Variants in DOCK4 observed in about 807,000 individuals in gnomAD.
The protein encoded by DOCK4 is dedicator of cytokinesis 4.
In DOCK4, 97 loss-of-function variants were observed where a neutral mutation model predicts 268.1. The observed-to-expected ratio is 0.36, with a 90% CI of 0.31 to 0.43. The LOEUF is 0.43. Ranked by LOEUF, DOCK4 falls within the 20% of genes least tolerant of loss-of-function variation. The pLI is 1.00. For synonymous variants in DOCK4, 954 were observed against 887.2 expected (o/e 1.08, Z -1.34); for missense variants, 2,145 against 2,455.7 (o/e 0.87, Z 2.67).
chr7:112,097,032 G>C (rs1810205086), intron 1 of DOCK4, among the ~76,000 whole-genome samples: 1 of 152,128 alleles, frequency 6.6e-6, no homozygotes, highest in African/African-American at 2.4e-5. Flanking sequence ...GCTTGAAAAT[G>C]GAACACAGGA....
rs368340275 is a variant in DOCK4, at chr7:112,174,977, G to A, written c.37+31125C>T. Among the ~76,000 whole-genome samples, 83 of 123,978 alleles carry A rather than the reference G, an allele frequency of 6.7e-4. 1 individual carries two copies. In the East Asian group the frequency reaches 0.02, roughly 30 times the overall value. The allele number at this position is 123,978 out of a possible 152,430, so 81.3% of individuals were successfully genotyped here. A position where few individuals can be genotyped will look rare whatever the true frequency, so the allele number is the denominator to read the frequency against. ...TTTTTTTGAGACAGAGTCTCACTCT[G>A]TTGCCCAGGCTGGAGTGCAGTGGCG... is the stretch of plus-strand genomic sequence containing the variant. On this transcript the variant is annotated intron_variant, in intron 1 of 52. Transcript: ENST00000428084.
At chr7:112,117,981 A>G (rs1005274122) in intron 1 of DOCK4, among the ~76,000 whole-genome samples, 10 of 150,148 alleles carry the variant, frequency 6.7e-5, no homozygotes, top group Non-Finnish European at 5.9e-5. Context: ...TCACCATAAG[A>G]AAGAATGGCC....
intron 1 of DOCK4, among the ~76,000 whole-genome samples, chr7:112,199,424 G>A (rs931118586): frequency 3.9e-5 from 6 of 152,086 alleles, no homozygotes; most frequent in South Asian, 2.1e-4. Flanking sequence ...CTGCAGTTAC[G>A]TTACCAAAGG....
intron 47 of DOCK4, 36 bp downstream of exon 47, chr7:111,741,058 G>T: frequency 6.2e-7 from 1 of 1,611,088 alleles, no homozygotes; most frequent in Non-Finnish European, 8.5e-7. Context: ...GACAGAAAAG[G>T]AATAAACACA....
At chr7:111,822,104 G>A (rs1802028428) in intron 27 of DOCK4, among the ~76,000 whole-genome samples, 1 of 152,086 alleles carries the variant, frequency 6.6e-6, no homozygotes. Context: ...AAATACAAGT[G>A]GTTATACAGC....
chr7:112,019,627 T>G (rs777288624), intron 1 of DOCK4, among the ~76,000 whole-genome samples: 1 of 152,176 alleles, frequency 6.6e-6, no homozygotes, highest in Non-Finnish European at 1.5e-5. Flanking sequence ...AATTCTGAGT[T>G]TATCAGCTTC....
chr7:112,001,224 T>C (rs1800397782), intron 2 of DOCK4, among the ~76,000 whole-genome samples: 1 of 152,202 alleles, frequency 6.6e-6, no homozygotes, highest in African/African-American at 2.4e-5. Flanking sequence ...GGTTTCACTT[T>C]CCACGGTTTC....
chr7:111,900,568 G>A (rs1221874492), intron 14 of DOCK4, 32 bp from the exon 15 acceptor site: 3 of 1,589,592 alleles, frequency 1.9e-6, no homozygotes, highest in Admixed American at 1.8e-5. Flanking sequence ...AGGTTAAAGA[G>A]AGCTTCATCT....
chr7:111,900,423 C>T lies in DOCK4; in HGVS notation c.1431G>A (p.Val477=), dbSNP rs762587585. Residue 477 remains valine, a synonymous_variant, in exon 15 of 53, where the codon GTG becomes GTA. Coordinates refer to ENST00000428084, the MANE Select transcript of DOCK4 (RefSeq NM_001363540.2). ...GGATGTGTGCACCCCGGAATTTATC[C>T]ACAGGAATGGGAAGTTTCAGCAGTT... ...WSELLKLPIP[V]DKFRGAHIRF... is the part of the protein sequence containing the mutation. 6.2e-7 allele frequency: 1 copy of T among 1,613,508 alleles called. No individual in the cohort carries two copies. Among genetic ancestry groups the T allele is most frequent in the South Asian group, 1.1e-5 (1 of 90,854 alleles).
Position 111,760,295 on chromosome 7 carries a change from C to A in DOCK4, c.4048G>T (p.Asp1350Tyr). 4 of 1,613,872 alleles carry A rather than the reference C, an allele frequency of 2.5e-6. No homozygotes were observed. The highest frequency in any genetic ancestry group is 3.4e-6 in the Non-Finnish European group (4 of 1,179,874). Reference protein sequence around the residue: ...RNKEFVCRGHDYERLEAFQQR... With the variant: ...RNKEFVCRGHYYERLEAFQQR... Reference sequence around the variant, plus strand: ...TGGAAGGCTTCCAGCCTCTCGTAGTCATGCCCTCGACACACAAACTCCTTA... The same window carrying A: ...TGGAAGGCTTCCAGCCTCTCGTAGTAATGCCCTCGACACACAAACTCCTTA... The change falls in exon 40 of 53, where the codon GAC (aspartate) becomes TAC (tyrosine). Residue 1350 changes from aspartate (D) to tyrosine (Y), a missense_variant. This residue lies in a region of DOCK4 where 1,598 missense variants were observed against 1,986.7 expected (regional missense o/e 0.80). Coordinates refer to ENST00000428084, the MANE Select transcript of DOCK4 (RefSeq NM_001363540.2).
chr7:111,989,024 C>A lies in DOCK4; in HGVS notation c.455G>T (p.Trp152Leu). 6.2e-7 allele frequency: 1 copy of A among 1,610,966 alleles called. No individual in the cohort carries two copies. Among genetic ancestry groups the A allele is most frequent in the Non-Finnish European group, 8.5e-7 (1 of 1,178,326 alleles). The change falls in exon 6 of 53, where the codon TGG becomes TTG. Residue 152 changes from tryptophan (W) to leucine (L), a missense_variant. Trp to Leu is a moderately conservative substitution (Grantham distance 61, BLOSUM62 -2). This residue lies in a region of DOCK4 where 1,598 missense variants were observed against 1,986.7 expected (regional missense o/e 0.80). Transcript: ENST00000428084. Reference sequence around the variant, plus strand: ...GATGCTCAATACTCACTCATTGCCCCAGTCAAGCCGGGCAGTAATGTGGCG... The same window carrying A: ...GATGCTCAATACTCACTCATTGCCCAAGTCAAGCCGGGCAGTAATGTGGCG... Reference protein sequence around the residue: ...VKRHITARLDWGNEQLGLDLV... With the variant: ...VKRHITARLDLGNEQLGLDLV...
At chr7:111,730,580 G>C (rs867915) in intron 52 of DOCK4, among the ~76,000 whole-genome samples, 6,791 of 152,162 alleles carry the variant, frequency 0.045, 181 homozygotes, top group South Asian at 0.082. Context: ...AAATATGGCA[G>C]GTCAGCTCAG....
intron 1 of DOCK4, among the ~76,000 whole-genome samples, chr7:112,177,776 A>G (rs1818661438): frequency 6.6e-6 from 1 of 152,334 alleles, no homozygotes; most frequent in Non-Finnish European, 1.5e-5. Flanking sequence ...TAAGGTAAAA[A>G]AAAAGAGTCA....
intron 25 of DOCK4, among the ~76,000 whole-genome samples, chr7:111,835,256 T>C (rs1407263676): frequency 1.3e-5 from 2 of 152,140 alleles, no homozygotes; most frequent in African/African-American, 4.8e-5. Context: ...CTCCAACTCA[T>C]CAGAGAGTTG....
chr7:111,979,763 C>T (rs925234304), intron 7 of DOCK4, among the ~76,000 whole-genome samples: 3 of 152,102 alleles, frequency 2.0e-5, no homozygotes, highest in Admixed American at 6.6e-5. Flanking sequence ...TCAAATAGTG[C>T]AAAGTTCCCT....
At chr7:111,734,085 G>T (rs962428348) in intron 51 of DOCK4, among the ~76,000 whole-genome samples, 1 of 152,002 alleles carries the variant, frequency 6.6e-6, no homozygotes, top group East Asian at 1.9e-4. Context: ...CTAGAGGTGT[G>T]TGCCACCATG....
At chr7:112,110,849 G>A (rs1049470272) in intron 1 of DOCK4, among the ~76,000 whole-genome samples, 1 of 152,198 alleles carries the variant, frequency 6.6e-6, no homozygotes, top group Admixed American at 6.5e-5. Context: ...TGCAGGAGGA[G>A]GCTGTCCCAC....
intron 1 of DOCK4, among the ~76,000 whole-genome samples, chr7:112,062,808 G>T (rs1806549762): frequency 6.6e-6 from 1 of 152,128 alleles, no homozygotes; most frequent in African/African-American, 2.4e-5. Context: ...GCCTCGAGTA[G>T]CTGGTATTAC....
intron 23 of DOCK4, among the ~76,000 whole-genome samples, chr7:111,861,697 G>A (rs868270725): frequency 6.8e-6 from 1 of 146,652 alleles, no homozygotes; most frequent in Non-Finnish European, 1.5e-5. Context: ...AGTGAGCTAA[G>A]ATCATGCCAC....
Sources: gnomAD v4.1 joint callset for allele counts (sites outside exome capture counted in the v4.1 genomes callset) on GRCh38, gnomAD v4.1.1 for gene constraint, gnomAD v4.1.1 regional missense constraint, MANE v1.5 for transcripts, NCBI Gene and HGNC (gene_info 2026-07-23, HGNC 2026-07-21) for gene names.